MTTP: variants seen among roughly 807,000 people sequenced by gnomAD.
The protein encoded by MTTP is microsomal triglyceride transfer protein, also known as microsomal triglyceride transfer protein large subunit.
A neutral mutation model predicts 90.6 loss-of-function variants in MTTP; 49 were observed. That is an observed-to-expected ratio of 0.54 (90% confidence interval 0.43 to 0.69). MTTP has a LOEUF of 0.69. Among genes scored for constraint, MTTP ranks in the 30% least tolerant of loss-of-function variants. The probability of loss-of-function intolerance (pLI) is 0.00; values close to 1 mark genes in which losing one functional copy is unlikely to be tolerated. For synonymous variants in MTTP, 347 were observed against 384.2 expected (o/e 0.90, Z 1.13); for missense variants, 945 against 1,067.5 (o/e 0.89, Z 1.60).
upstream of MTTP, among the ~76,000 whole-genome samples, chr4:99,573,278 A>G (rs887973766): frequency 5.9e-5 from 9 of 152,196 alleles, no homozygotes; most frequent in African/African-American, 2.2e-4. Context: ...ATGATTTTAT[A>G]TCCCTATGTA....
intron 15 of MTTP, among the ~76,000 whole-genome samples, chr4:99,616,544 A>G (rs1726103899): frequency 6.6e-6 from 1 of 152,354 alleles, no homozygotes; most frequent in African/African-American, 2.4e-5. Flanking sequence ...GGATTAAATG[A>G]GACACCAAAG....
chr4:99,577,627 GAAAA>G (rs1725001462), intron 1 of MTTP, among the ~76,000 whole-genome samples: 1 of 122,720 alleles, frequency 8.1e-6, no homozygotes, highest in African/African-American at 3.1e-5. Context: ...AAAAAAGAAA[GAAAA>G]GAAAGAAAGG....
upstream of MTTP, chr4:99,574,661 T>C (rs1724909704): frequency 2.6e-6 from 2 of 773,658 alleles, no homozygotes; most frequent in Admixed American, 2.4e-5. Flanking sequence ...GTTTCCTCAT[T>C]GGGTGAAAAA....
At chr4:99,620,463 T>A (rs549894430) in intron 16 of MTTP, among the ~76,000 whole-genome samples, 17 of 152,348 alleles carry the variant, frequency 1.1e-4, no homozygotes, top group African/African-American at 3.6e-4. Context: ...TAGAGCATCA[T>A]TAAAGGACCC....
Position 99,589,671 on chromosome 4 carries a change from A to G in MTTP, c.422A>G (p.Glu141Gly). 6.2e-7 allele frequency: 1 copy of G among 1,608,450 alleles called. No homozygotes were observed. The highest frequency in any genetic ancestry group is 8.5e-7 in the Non-Finnish European group (1 of 1,175,204). The change falls in exon 4 of 18, where the codon GAG (glutamate) becomes GGG (glycine). Residue 141 changes from glutamate to glycine, a missense_variant. Glu to Gly is a moderately conservative substitution (Grantham distance 98). Transcript: ENST00000265517. The stretch of plus-strand genomic sequence containing the variant: ...AAAGAGTTCTACTCATATCAAAATG[A>G]GGCAGTGGCCATAGAAAATATCAAG... ...KVKEFYSYQN[E>G]AVAIENIKRG...
At position 99,622,779 on chromosome 4, in the gene MTTP, A is replaced by G. The variant is rs139683558; in HGVS notation, c.2616A>G (p.Gln872=). ...VLAGCEFPLH[Q]ENSEMCKVVF... ...CAGGATGTGAATTCCCGCTCCATCA[A>G]GAGAACTCAGAGATGTGCAAAGTGG... The change falls in exon 18 of 18, where the codon CAA becomes CAG. Residue 872 remains glutamine (Q), a synonymous_variant. Transcript: ENST00000265517. 9.3e-6 allele frequency: 15 copies of G among 1,614,026 alleles called. No individual in the cohort carries two copies. Among genetic ancestry groups the G allele is most frequent in the African/African-American group, 2.7e-5 (2 of 74,914 alleles).
At chr4:99,566,476 A>G (rs960144706) in intron 1 of MTTP, among the ~76,000 whole-genome samples, 39 of 152,172 alleles carry the variant, frequency 2.6e-4, no homozygotes, top group Non-Finnish European at 4.6e-4. Flanking sequence ...TCCATGGGTT[A>G]CAAATGCATA....
upstream of MTTP, among the ~76,000 whole-genome samples, chr4:99,572,279 G>C (rs1003722102): frequency 2.0e-5 from 3 of 151,920 alleles, no homozygotes; most frequent in African/African-American, 7.2e-5. Context: ...TCATAGATCA[G>C]TTTTACCCCT....
chr4:99,600,851 T>G, intron 9 of MTTP, 118 bp downstream of exon 9: 1 of 977,908 alleles, frequency 1.0e-6, no homozygotes, highest in Non-Finnish European at 1.5e-6. Context: ...TTCTGAGTAT[T>G]CATATTCAAA....
At chr4:99,583,621 T>C (rs1466442373) in intron 3 of MTTP, 104 bp downstream of exon 3, 3 of 1,355,172 alleles carry the variant, frequency 2.2e-6, no homozygotes, top group Admixed American at 3.5e-5. Context: ...ACTTTTATGG[T>C]AAATGGAATT....
At position 99,597,068 on chromosome 4, in the gene MTTP, T is replaced by C; in HGVS notation, c.911T>C (p.Leu304Pro). 6.2e-7 allele frequency: 1 copy of C among 1,613,810 alleles called. No homozygotes were observed. Residue 304 changes from leucine (L) to proline (P), a missense_variant and splice_region_variant, in exon 8 of 18, where the codon CTC becomes CCC. Physicochemically the swap from Leu to Pro is moderately conservative, Grantham distance 98 (BLOSUM62 -3). Transcript: ENST00000265517. ...GAGCCTGCAGTGTATGTTTTGCAGC[T>C]CTCGGAGCTCTGGCGGTCCACCAGG... ...FQSHCKGCPS[L>P]SELWRSTRKY...
rs112407688 is a variant in MTTP, at chr4:99,622,961, G to C, written c.*113G>C. On this transcript the variant is annotated 3_prime_UTR_variant, in exon 18 of 18. Transcript: ENST00000265517. ...CGTTTACATATTTACCTGTATTTAA[G>C]ATTTTTGTAAAAAGCTACAAAAAAC... is the stretch of plus-strand genomic sequence containing the variant. 32,246 of 1,333,954 alleles carry C rather than the reference G, an allele frequency of 0.024. 853 individuals are homozygous for C. Among genetic ancestry groups the C allele is most frequent in the Middle Eastern group, 0.12 (462 of 3,994 alleles). The allele number at this position is 1,333,954 out of a possible 1,614,324, so 82.6% of individuals were successfully genotyped here. A position where few individuals can be genotyped will look rare whatever the true frequency, so the allele number is the denominator to read the frequency against.
chr4:99,616,005 T>C (rs368587248), intron 15 of MTTP, among the ~76,000 whole-genome samples: 20 of 152,212 alleles, frequency 1.3e-4, no homozygotes, highest in African/African-American at 2.4e-4. Flanking sequence ...TCTTTTTTTT[T>C]CCTTTTTTGC....
At chr4:99,606,626 C>T (rs1346324459) in intron 10 of MTTP, 122 bp from the exon 11 acceptor site, 1 of 932,578 alleles carries the variant, frequency 1.1e-6, no homozygotes, top group African/African-American at 1.6e-5. Context: ...CTCAGTCAAG[C>T]AACCAATGCA....
chr4:99,577,619 AAAAG>A (rs1378783911), intron 1 of MTTP, among the ~76,000 whole-genome samples: 102 of 135,080 alleles, frequency 7.6e-4, no homozygotes, highest in Middle Eastern at 3.8e-3. Context: ...AAAAAAAAAA[AAAAG>A]AAAGAAAAGA....
intron 14 of MTTP, 49 bp downstream of exon 14, chr4:99,611,502 G>A: frequency 6.2e-7 from 1 of 1,603,360 alleles, no homozygotes; most frequent in Non-Finnish European, 8.5e-7. Flanking sequence ...CAAGAAATCA[G>A]GCTGAGGTAA....
rs761389165 is a variant in MTTP at position 99,611,447 on chromosome 4, T to C, written c.1983T>C (p.Gly661=). The C allele has an allele frequency of 1.2e-6, 2 of 1,614,072 alleles. No homozygotes were observed. The highest frequency in any genetic ancestry group is 1.7e-5 in the Admixed American group (1 of 60,020). The change falls in exon 14 of 18, where the codon GGT becomes GGC. Residue 661 remains glycine, a synonymous_variant. Coordinates refer to ENST00000265517, the MANE Select transcript of MTTP (RefSeq NM_001386140.1). ...FQYIGKAGLH[G]SQVVIEAQGL... ...ACATTGGGAAGGCTGGTCTTCACGGTAGCCAGGTAACTCACTTCTCATGGA... is the reference window on the plus strand; with the variant it reads ...ACATTGGGAAGGCTGGTCTTCACGGCAGCCAGGTAACTCACTTCTCATGGA...
intron 8 of MTTP, among the ~76,000 whole-genome samples, chr4:99,600,039 A>G (rs1465317788): frequency 6.6e-6 from 1 of 152,134 alleles, no homozygotes; most frequent in Non-Finnish European, 1.5e-5. Context: ...TAAACATAGA[A>G]CTATACTATG....
intron 11 of MTTP, among the ~76,000 whole-genome samples, chr4:99,608,210 G>A (rs565209215): frequency 2.0e-5 from 3 of 152,294 alleles, no homozygotes; most frequent in African/African-American, 7.2e-5. Flanking sequence ...ACTTTGGAAG[G>A]CCGAGGCGGG....
Sources: gnomAD v4.1 joint callset for allele counts (sites outside exome capture counted in the v4.1 genomes callset) on GRCh38, gnomAD v4.1.1 for gene constraint, MANE v1.5 for transcripts, NCBI Gene and HGNC (gene_info 2026-07-23, HGNC 2026-07-21) for gene names.